The following MED13L variants were observed in gnomAD, a reference collection of about 807,000 sequenced individuals.
MED13L encodes mediator complex subunit 13L.
A neutral mutation model predicts 220.9 loss-of-function variants in MED13L; 7 were observed. The ratio of observed to expected loss-of-function variants is 0.03; its 90% CI spans 0.02 to 0.06. The LOEUF (loss-of-function observed/expected upper bound fraction) is 0.06, where lower values mean the gene tolerates loss of function less well. Among genes scored for constraint, MED13L ranks in the 10% least tolerant of loss-of-function variants. The pLI is 1.00. For synonymous variants in MED13L, 1,011 were observed against 1,015.2 expected, an observed-to-expected ratio of 1.00 and a Z score of 0.08; for missense variants, 1,965 against 2,760.5, an observed-to-expected ratio of 0.71 and a Z score of 6.46.
chr12:116,134,433 T>C (rs1259073469), intron 2 of MED13L, among the ~76,000 whole-genome samples: 1 of 152,192 alleles, frequency 6.6e-6, no homozygotes, highest in Non-Finnish European at 1.5e-5. Context: ...CCTGGTGATA[T>C]AACAGGGTAC....
chr12:116,076,580 A>G (rs1475890491), intron 4 of MED13L, among the ~76,000 whole-genome samples: 1 of 152,124 alleles, frequency 6.6e-6, no homozygotes, highest in African/African-American at 2.4e-5. Flanking sequence ...AAACGCACTC[A>G]CTAAAAACAG....
At chr12:116,225,247 T>G (rs551012383) in intron 2 of MED13L, among the ~76,000 whole-genome samples, 26 of 152,306 alleles carry the variant, frequency 1.7e-4, no homozygotes, top group Non-Finnish European at 3.7e-4. Flanking sequence ...TTTAAGTCAT[T>G]TAACCTTTTT....
rs922389055 is a variant in MED13L at position 115,986,426 on chromosome 12, A to C, written c.4178T>G (p.Phe1393Cys). ...PTLLVGYDKD[F>C]LTISPFSLPF... ...CAAGGAGAATGGCGAGATGGTGAGG[A>C]AATCCTTGTCATAGCCTACCAGCAG... Residue 1393 changes from phenylalanine (F) to cysteine (C), a missense_variant, in exon 19 of 31, where the codon TTC becomes TGC. Transcript: ENST00000281928. The C allele has an allele frequency of 9.3e-6, 15 of 1,614,040 alleles. No homozygotes were observed. Among genetic ancestry groups the C allele is most frequent in the Non-Finnish European group, 1.3e-5 (15 of 1,180,022 alleles).
rs139108566 is a variant in MED13L at position 115,986,843 on chromosome 12, G to A, written c.4114+266C>T. On this transcript the variant is annotated intron_variant, in intron 18 of 30. Transcript: ENST00000281928. The stretch of plus-strand genomic sequence containing the variant: ...CCCAGAAGTCCATCCAGATGAAAAT[G>A]CAGTGAGGATTGGGAAAATGAGGAG... Among the ~76,000 whole-genome samples, 331 of 152,280 alleles carry A rather than the reference G, an allele frequency of 2.2e-3. 1 individual carries two copies. The highest frequency in any genetic ancestry group is 7.6e-3 in the African/African-American group (314 of 41,558).
In MED13L at chr12:115,986,246, T is replaced by C. The variant is rs772763571; in HGVS notation, c.4338+20A>G. On this transcript the variant is annotated intron_variant, in intron 19 of 30. Coordinates refer to ENST00000281928, the MANE Select transcript of MED13L (RefSeq NM_015335.5). Reference sequence around the variant, plus strand: ...GAGGATCCAAGTCATAAAAAGCAATTTTCACAGTAACTTCCTCACCTCGTA... The same window carrying C: ...GAGGATCCAAGTCATAAAAAGCAATCTTCACAGTAACTTCCTCACCTCGTA... 2.1e-5 allele frequency: 34 copies of C among 1,608,888 alleles called. No homozygotes were observed. Among genetic ancestry groups the C allele is most frequent in the Non-Finnish European group, 2.6e-5 (30 of 1,175,434 alleles).
intron 4 of MED13L, among the ~76,000 whole-genome samples, chr12:116,047,833 G>C (rs1478130845): frequency 1.3e-5 from 2 of 152,176 alleles, no homozygotes; most frequent in Non-Finnish European, 2.9e-5. Context: ...GCATTTAGAA[G>C]CTGAGGTAGG....
At chr12:115,974,929 A>G (rs1249275921) in intron 25 of MED13L, among the ~76,000 whole-genome samples, 1 of 152,236 alleles carries the variant, frequency 6.6e-6, no homozygotes, top group Non-Finnish European at 1.5e-5. Flanking sequence ...TCATTTTTAT[A>G]TTAATAAAAC....
At chr12:116,244,620 A>G (rs1296073903) in intron 1 of MED13L, among the ~76,000 whole-genome samples, 2 of 152,182 alleles carry the variant, frequency 1.3e-5, no homozygotes, top group African/African-American at 4.8e-5. Context: ...AAAGGCAGAG[A>G]GGAGATTAAA....
At chr12:116,046,434 A>G (rs1881839475) in intron 4 of MED13L, among the ~76,000 whole-genome samples, 1 of 152,260 alleles carries the variant, frequency 6.6e-6, no homozygotes. Context: ...TGGCCATTTA[A>G]AAGAAATGTT....
chr12:116,201,333 A>G (rs898477071), intron 2 of MED13L, among the ~76,000 whole-genome samples: 12 of 152,324 alleles, frequency 7.9e-5, no homozygotes, highest in Admixed American at 2.0e-4. Flanking sequence ...GTCCATCCAA[A>G]TAAGGGTTGT....
intron 2 of MED13L, among the ~76,000 whole-genome samples, chr12:116,128,093 C>A (rs1279376356): frequency 6.6e-6 from 1 of 152,188 alleles, no homozygotes; most frequent in East Asian, 1.9e-4. Flanking sequence ...GTCACTTTCT[C>A]ATCTATTGCT....
At chr12:116,271,040 C>CAAAAAAAAAA (rs58162276) in intron 1 of MED13L, among the ~76,000 whole-genome samples, 17 of 30,094 alleles carry the variant, frequency 5.6e-4, no homozygotes, top group East Asian at 3.2e-3. Context: ...GACTCCGTCT[C>CAAAAAAAAAA]AAAAAAAAAA....
intron 25 of MED13L, 53 bp downstream of exon 25, chr12:115,975,118 A>C: frequency 6.5e-7 from 1 of 1,548,182 alleles, no homozygotes; most frequent in Non-Finnish European, 8.9e-7. Flanking sequence ...TAATGACAAT[A>C]GCTGAGCCCT....
chr12:116,210,551 CTATA>C (rs3043762), intron 2 of MED13L, among the ~76,000 whole-genome samples: 31,067 of 113,356 alleles, frequency 0.27, 4,434 homozygotes, highest in African/African-American at 0.36. Context: ...AGAACGTAAC[CTATA>C]TATATATATA....
At chr12:116,264,865 C>T (rs912196343) in intron 1 of MED13L, among the ~76,000 whole-genome samples, 2 of 152,096 alleles carry the variant, frequency 1.3e-5, no homozygotes, top group African/African-American at 4.8e-5. Flanking sequence ...CAATGGTGCA[C>T]GCCTGAAATT....
intron 8 of MED13L, among the ~76,000 whole-genome samples, chr12:116,014,250 A>C (rs1879592143): frequency 6.6e-6 from 1 of 152,240 alleles, no homozygotes; most frequent in African/African-American, 2.4e-5. Context: ...GTAGTCACTT[A>C]AGAAACATTT....
chr12:115,965,143 A>T (rs1257529936), intron 29 of MED13L, among the ~76,000 whole-genome samples: 5 of 152,202 alleles, frequency 3.3e-5, no homozygotes, highest in African/African-American at 1.2e-4. Context: ...ATACACAGCT[A>T]TGTGTGTACG....
At chr12:115,988,035 A>G (rs1355663306) in intron 17 of MED13L, among the ~76,000 whole-genome samples, 1 of 152,170 alleles carries the variant, frequency 6.6e-6, no homozygotes, top group Non-Finnish European at 1.5e-5. Context: ...AGATTCTTAA[A>G]AAGGTCTGCA....
At chr12:116,061,660 G>A (rs1252977334) in intron 4 of MED13L, among the ~76,000 whole-genome samples, 1 of 152,060 alleles carries the variant, frequency 6.6e-6, no homozygotes, top group Non-Finnish European at 1.5e-5. Context: ...GTGAGTTTGG[G>A]AATAGATTTT....
Sources: allele counts gnomAD v4.1 joint callset (sites outside exome capture counted in the v4.1 genomes callset), GRCh38; gene constraint gnomAD v4.1.1; transcripts MANE v1.5; gene names NCBI Gene and HGNC (gene_info 2026-07-23, HGNC 2026-07-21).